ZMYM2: variants seen among roughly 807,000 people sequenced by gnomAD.
ZMYM2 encodes zinc finger MYM-type protein 2.
Under a neutral mutation model 162.8 loss-of-function variants are expected in ZMYM2, and 56 were observed. That is an observed-to-expected ratio of 0.34 (90% CI 0.28 to 0.43). The LOEUF is 0.43. Among genes scored for constraint, ZMYM2 ranks in the 20% least tolerant of loss-of-function variants. ZMYM2 has a pLI of 1.00. For synonymous variants in ZMYM2, 510 were observed against 541.6 expected (o/e 0.94, Z 0.81); for missense variants, 1,275 against 1,621.8 (o/e 0.79, Z 3.67).
At chr13:19,936,100 G>A in the ZMYM2 span, among the ~76,000 whole-genome samples, 1 of 152,204 alleles carries the variant, frequency 6.6e-6, no homozygotes, top group East Asian at 1.9e-4. Flanking sequence ...GTCTCTCCTA[G>A]GCCTTTTAAT....
chr13:20,023,826 G>A (rs1206505551), intron 7 of ZMYM2, among the ~76,000 whole-genome samples: 2 of 152,062 alleles, frequency 1.3e-5, no homozygotes, highest in Non-Finnish European at 2.9e-5. Context: ...TTTGGCTAAT[G>A]TTCTTTCATT....
At chr13:20,017,807 G>A (rs1223115454) in intron 6 of ZMYM2, among the ~76,000 whole-genome samples, 1 of 151,946 alleles carries the variant, frequency 6.6e-6, no homozygotes, top group Non-Finnish European at 1.5e-5. Context: ...TTTTTTAAGT[G>A]CATGTGTATT....
intron 2 of ZMYM2, among the ~76,000 whole-genome samples, chr13:19,971,244 G>GTGTGTGTGTATATA (rs5802035): frequency 2.0e-5 from 1 of 50,134 alleles, no homozygotes; most frequent in Non-Finnish European, 3.9e-5. Flanking sequence ...GTGTGTGTGT[G>GTGTGTGTGTATATA]TATATATATA....
At chr13:19,918,022 A>C in the ZMYM2 span, among the ~76,000 whole-genome samples, 1 of 152,194 alleles carries the variant, frequency 6.6e-6, no homozygotes, top group African/African-American at 2.4e-5. Context: ...GTGCCACTGC[A>C]CTCCAGCCTG....
intron 2 of ZMYM2, among the ~76,000 whole-genome samples, chr13:19,970,238 GTTTA>G (rs1354893035): frequency 5.3e-5 from 8 of 152,266 alleles, no homozygotes; most frequent in African/African-American, 1.4e-4. Context: ...TGTAGTTGAA[GTTTA>G]TTTATGCTGT....
chr13:20,058,950 C>G, intron 15 of ZMYM2: 2 of 581,212 alleles, frequency 3.4e-6, no homozygotes, highest in South Asian at 3.3e-5. Flanking sequence ...AATACTATCT[C>G]GAAAATTTCC....
the ZMYM2 span, among the ~76,000 whole-genome samples, chr13:19,876,514 G>A: frequency 1.3e-5 from 2 of 151,656 alleles, no homozygotes; most frequent in African/African-American, 4.8e-5. Context: ...GTAGAGACGG[G>A]GTTTCACCAT....
intron 3 of ZMYM2, among the ~76,000 whole-genome samples, chr13:19,994,650 T>A (rs564578906): frequency 9.2e-5 from 14 of 152,046 alleles, no homozygotes; most frequent in African/African-American, 3.4e-4. Flanking sequence ...CCACCACGCA[T>A]GGCTAATTTT....
At chr13:20,058,862 A>G in intron 15 of ZMYM2, 158 bp downstream of exon 15, 1 of 905,646 alleles carries the variant, frequency 1.1e-6, no homozygotes, top group Non-Finnish European at 1.8e-6. Context: ...TTACCTGGAG[A>G]ATACAGCATC....
chr13:20,001,754 G>A (rs1414146512), intron 3 of ZMYM2, among the ~76,000 whole-genome samples: 1 of 152,196 alleles, frequency 6.6e-6, no homozygotes, highest in Non-Finnish European at 1.5e-5. Flanking sequence ...AGCCACCATC[G>A]TGATCAGTCA....
At chr13:20,041,666 G>A (rs529013658) in intron 12 of ZMYM2, among the ~76,000 whole-genome samples, 1 of 152,242 alleles carries the variant, frequency 6.6e-6, no homozygotes, top group South Asian at 2.1e-4. Context: ...ACTTAAGTGT[G>A]TTTTTGTAGT....
intron 24 of ZMYM2, among the ~76,000 whole-genome samples, chr13:20,084,321 TA>T (rs1197416568): frequency 2.0e-5 from 3 of 152,232 alleles, no homozygotes; most frequent in African/African-American, 7.2e-5. Context: ...CATTGTCTTT[TA>T]AATTACAGCA....
chr13:20,045,752 T>A (rs1240679135), intron 12 of ZMYM2, among the ~76,000 whole-genome samples: 4 of 152,028 alleles, frequency 2.6e-5, no homozygotes, highest in Non-Finnish European at 2.9e-5. Flanking sequence ...GAGACAGAAA[T>A]TGTTACCATG....
chr13:20,047,870 C>A (rs1004437947), intron 12 of ZMYM2, among the ~76,000 whole-genome samples: 2 of 151,960 alleles, frequency 1.3e-5, no homozygotes, highest in African/African-American at 4.8e-5. Flanking sequence ...CTCCCAGATA[C>A]CTTTTTAGAA....
intron 10 of ZMYM2, among the ~76,000 whole-genome samples, chr13:20,032,220 TTTA>T (rs1409457719): frequency 6.6e-6 from 1 of 152,088 alleles, no homozygotes; most frequent in African/African-American, 2.4e-5. Flanking sequence ...CCACTACAAG[TTTA>T]TTTTCTTTTC....
At chr13:19,884,728 C>G in the ZMYM2 span, among the ~76,000 whole-genome samples, 3 of 152,228 alleles carry the variant, frequency 2.0e-5, no homozygotes, top group East Asian at 5.8e-4. Context: ...GAAAAAAAGA[C>G]ACAAACTCTC....
the ZMYM2 span, among the ~76,000 whole-genome samples, chr13:19,896,044 T>TTTC: frequency 6.6e-6 from 1 of 150,730 alleles, no homozygotes; most frequent in Non-Finnish European, 1.5e-5. Flanking sequence ...TTTTTTTTTT[T>TTTC]GAGAGAGTCT....
At chr13:19,914,668 G>A in the ZMYM2 span, among the ~76,000 whole-genome samples, 33 of 152,284 alleles carry the variant, frequency 2.2e-4, no homozygotes, top group African/African-American at 7.7e-4. Flanking sequence ...GTGCATTTAC[G>A]TAGTGTCTTA....
the ZMYM2 span, among the ~76,000 whole-genome samples, chr13:19,883,178 A>C: frequency 6.6e-6 from 1 of 152,216 alleles, no homozygotes; most frequent in Non-Finnish European, 1.5e-5. Flanking sequence ...TCATTTATAG[A>C]AAGTATCTCA....
Sources: allele counts gnomAD v4.1 joint callset (sites outside exome capture counted in the v4.1 genomes callset), GRCh38; gene constraint gnomAD v4.1.1; transcripts MANE v1.5; gene names NCBI Gene and HGNC (gene_info 2026-07-23, HGNC 2026-07-21).